CAMTA1: variants seen among roughly 807,000 people sequenced by gnomAD.
The protein encoded by CAMTA1 is calmodulin binding transcription activator 1, also known as calmodulin-binding transcription activator 1.
CAMTA1 carries 27 observed loss-of-function variants against 170.9 expected under a neutral mutation model. That is an observed-to-expected ratio of 0.16 (90% CI 0.12 to 0.22). CAMTA1 has a LOEUF of 0.22. Among genes scored for constraint, CAMTA1 ranks in the 10% least tolerant of loss-of-function variants. The pLI is 1.00. For synonymous variants in CAMTA1, 833 were observed against 891.5 expected (o/e 0.93, Z 1.17); for missense variants, 1,619 against 2,217.2 (o/e 0.73, Z 5.42).
intron 3 of CAMTA1, among the ~76,000 whole-genome samples, chr1:6,839,607 AAGTAGAGCAGGGT>A (rs1557671551): frequency 1.3e-5 from 2 of 152,106 alleles, no homozygotes; most frequent in Non-Finnish European, 2.9e-5. Flanking sequence ...GCTAAGAACA[AAGTAGAGCAGGGT>A]ACTGAGGTGT....
intron 4 of CAMTA1, among the ~76,000 whole-genome samples, chr1:7,135,527 C>T (rs1222725827): frequency 2.0e-5 from 3 of 152,196 alleles, no homozygotes; most frequent in South Asian, 4.1e-4. Flanking sequence ...ACCTCTTACA[C>T]TCTTGGTGCT....
intron 5 of CAMTA1, among the ~76,000 whole-genome samples, chr1:7,270,214 CATATATACATATAT>C (rs1558335573): frequency 2.8e-5 from 3 of 108,814 alleles, no homozygotes; most frequent in Non-Finnish European, 3.7e-5. Context: ...CATATATATA[CATATATACATATAT>C]ATACACATAT....
chr1:7,186,640 C>T (rs1653332953), intron 4 of CAMTA1, among the ~76,000 whole-genome samples: 1 of 152,126 alleles, frequency 6.6e-6, no homozygotes, highest in African/African-American at 2.4e-5. Context: ...TTTCATTTTG[C>T]CGGGGCTGGT....
chr1:7,671,083 G>A, intron 10 of CAMTA1, 46 bp downstream of exon 10: 1 of 1,603,436 alleles, frequency 6.2e-7, no homozygotes, highest in Non-Finnish European at 8.5e-7. Context: ...GTGATGGCCT[G>A]AGGAGCACTG....
intron 6 of CAMTA1, among the ~76,000 whole-genome samples, chr1:7,606,129 G>A (rs1000364250): frequency 7.2e-5 from 11 of 152,274 alleles, no homozygotes; most frequent in Admixed American, 1.3e-4. Context: ...CAGTGTAGTC[G>A]GTGGAGGCAT....
chr1:7,563,388 G>C (rs1467190393), intron 6 of CAMTA1, among the ~76,000 whole-genome samples: 1 of 152,222 alleles, frequency 6.6e-6, no homozygotes. Context: ...TCAGGACTGA[G>C]ACCTGCAGCA....
chr1:7,488,857 A>G (rs2093659818), intron 6 of CAMTA1, among the ~76,000 whole-genome samples: 1 of 152,180 alleles, frequency 6.6e-6, no homozygotes, highest in Non-Finnish European at 1.5e-5. Context: ...ATACACATAC[A>G]TATATACACA....
At chr1:7,181,970 A>G (rs961492565) in intron 4 of CAMTA1, among the ~76,000 whole-genome samples, 1 of 152,008 alleles carries the variant, frequency 6.6e-6, no homozygotes, top group African/African-American at 2.4e-5. Flanking sequence ...TAAAGCCTCT[A>G]TAATTAAAAC....
intron 3 of CAMTA1, among the ~76,000 whole-genome samples, chr1:6,841,556 A>G (rs990215013): frequency 1.3e-5 from 2 of 152,020 alleles, no homozygotes; most frequent in African/African-American, 4.8e-5. Context: ...GAGGCTACAC[A>G]TCTTAATGGT....
intron 6 of CAMTA1, among the ~76,000 whole-genome samples, chr1:7,500,289 TGA>T (rs1462605130): frequency 6.9e-6 from 1 of 145,816 alleles, no homozygotes; most frequent in Non-Finnish European, 1.5e-5. Context: ...CATATGTATA[TGA>T]GTGTGTGTGT....
At chr1:7,744,439 G>T (rs781277145) in intron 16 of CAMTA1, among the ~76,000 whole-genome samples, 4 of 152,110 alleles carry the variant, frequency 2.6e-5, no homozygotes, top group Non-Finnish European at 4.4e-5. Context: ...GCCTAGACCG[G>T]GGTTCTCTAG....
chr1:7,049,748 T>G (rs1706012338), intron 3 of CAMTA1, among the ~76,000 whole-genome samples: 1 of 152,208 alleles, frequency 6.6e-6, no homozygotes, highest in Admixed American at 6.5e-5. Context: ...TGCAAGAGAT[T>G]ACATGCCTGG....
At chr1:7,037,855 G>C (rs575159563) in intron 3 of CAMTA1, among the ~76,000 whole-genome samples, 1 of 149,866 alleles carries the variant, frequency 6.7e-6, no homozygotes, top group Admixed American at 6.6e-5. Context: ...AAAAAATGCA[G>C]CTTTGGGAAA....
chr1:7,013,535 T>A (rs1700121031), intron 3 of CAMTA1, among the ~76,000 whole-genome samples: 1 of 152,144 alleles, frequency 6.6e-6, no homozygotes, highest in Non-Finnish European at 1.5e-5. Flanking sequence ...TTGAGTCTTT[T>A]CTCAACCCGG....
intron 5 of CAMTA1, among the ~76,000 whole-genome samples, chr1:7,450,684 A>T (rs2092802895): frequency 6.6e-6 from 1 of 152,198 alleles, no homozygotes; most frequent in African/African-American, 2.4e-5. Context: ...GTTGCAGGTG[A>T]CAGAAAACCT....
intron 4 of CAMTA1, among the ~76,000 whole-genome samples, chr1:7,147,512 C>A (rs1371805108): frequency 6.6e-6 from 1 of 151,554 alleles, no homozygotes; most frequent in Non-Finnish European, 1.5e-5. Context: ...ATACACCATG[C>A]ATGCACACTC....
At chr1:7,334,901 A>C (rs2083256749) in intron 5 of CAMTA1, among the ~76,000 whole-genome samples, 1 of 152,060 alleles carries the variant, frequency 6.6e-6, no homozygotes, top group African/African-American at 2.4e-5. Flanking sequence ...AGTGCGGGAA[A>C]GCTCCCTTCC....
intron 6 of CAMTA1, among the ~76,000 whole-genome samples, chr1:7,512,310 A>G (rs1057218801): frequency 6.6e-6 from 1 of 152,194 alleles, no homozygotes; most frequent in African/African-American, 2.4e-5. Context: ...GTGTTATGGG[A>G]AAGAAACAAT....
At chr1:6,949,205 G>A (rs1372977846) in intron 3 of CAMTA1, among the ~76,000 whole-genome samples, 6 of 152,228 alleles carry the variant, frequency 3.9e-5, no homozygotes, top group African/African-American at 1.4e-4. Flanking sequence ...TGTTCCTGGG[G>A]GAAGTGGGGT....
Sources: allele counts gnomAD v4.1 joint callset (sites outside exome capture counted in the v4.1 genomes callset), GRCh38; gene constraint gnomAD v4.1.1; transcripts MANE v1.5; gene names NCBI Gene and HGNC (gene_info 2026-07-23, HGNC 2026-07-21).